PCNX4: variants seen among roughly 807,000 people sequenced by gnomAD.
The protein encoded by PCNX4 is pecanex-like protein 4.
A neutral mutation model predicts 107.2 loss-of-function variants in PCNX4; 103 were observed. The ratio of observed to expected loss-of-function variants is 0.96; its 90% confidence interval spans 0.82 to 1.13. The LOEUF (loss-of-function observed/expected upper bound fraction) is 1.13. Among genes scored for constraint, PCNX4 ranks in the 50% most tolerant of loss-of-function variants. PCNX4 has a pLI of 0.00. For synonymous variants in PCNX4, 541 were observed against 481.7 expected, an observed-to-expected ratio of 1.12 and a Z score of -1.61; for missense variants, 1,528 against 1,379.4, an observed-to-expected ratio of 1.11 and a Z score of -1.71.
chr14:60,108,296 T>G lies in PCNX4; in HGVS notation c.658T>G (p.Phe220Val), dbSNP rs371046362. The G allele has an allele frequency of 5.6e-6, 9 of 1,608,302 alleles. No homozygotes were observed. Among genetic ancestry groups the G allele is most frequent in the Non-Finnish European group, 7.6e-6 (9 of 1,178,620 alleles). ...IIPLMRPLYI[F>V]FFVSVDLAHR... ...TCCTCTTATGAGACCTCTTTATATT[T>G]TTTTCTTTGTTTCTGTGGATCTGGC... is the stretch of plus-strand genomic sequence containing the variant. The change falls in exon 2 of 11, where the codon TTT (phenylalanine) becomes GTT (valine). Residue 220 changes from phenylalanine to valine, a missense_variant. By Grantham distance (50) the Phe-to-Val change is conservative. Transcript: ENST00000406854.
At chr14:60,098,541 C>G (rs1049681421) in intron 1 of PCNX4, among the ~76,000 whole-genome samples, 1 of 152,316 alleles carries the variant, frequency 6.6e-6, no homozygotes, top group Non-Finnish European at 1.5e-5. Flanking sequence ...CCTTTTCAGT[C>G]TTTCTTTTCT....
intron 1 of PCNX4, among the ~76,000 whole-genome samples, chr14:60,095,968 C>T (rs1021173413): frequency 2.0e-5 from 3 of 152,176 alleles, no homozygotes; most frequent in African/African-American, 7.2e-5. Flanking sequence ...ATTACCCTAG[C>T]CCTTTCAGTT....
At chr14:60,098,216 C>T (rs1035897697) in intron 1 of PCNX4, among the ~76,000 whole-genome samples, 16 of 152,156 alleles carry the variant, frequency 1.1e-4, no homozygotes, top group African/African-American at 3.1e-4. Context: ...AACCTCCCTT[C>T]TGACCAGAGA....
chr14:60,097,097 T>A (rs1895439785), intron 1 of PCNX4, among the ~76,000 whole-genome samples: 1 of 152,210 alleles, frequency 6.6e-6, no homozygotes, highest in Admixed American at 6.5e-5. Flanking sequence ...TAAGTTGTGC[T>A]TCCTTAAAGT....
intron 1 of PCNX4, among the ~76,000 whole-genome samples, chr14:60,097,648 T>TA (rs371351045): frequency 0.021 from 3,185 of 152,304 alleles, 59 homozygotes; most frequent in South Asian, 0.049. Flanking sequence ...CTGAAAAACT[T>TA]AAAGGTCTAA....
In PCNX4 at chr14:60,118,329, G is replaced by A; in HGVS notation, c.1579G>A (p.Val527Ile). The A allele has an allele frequency of 6.3e-7, 1 of 1,599,132 alleles. No individual in the cohort carries two copies. The highest frequency in any genetic ancestry group is 8.5e-7 in the Non-Finnish European group (1 of 1,171,222). Residue 527 changes from valine (V) to isoleucine (I), a missense_variant and splice_region_variant, in exon 7 of 11, where the codon GTT (valine) becomes ATT (isoleucine). By Grantham distance (29) the Val-to-Ile change is conservative (BLOSUM62 3). Coordinates refer to ENST00000406854, the MANE Select transcript of PCNX4 (RefSeq NM_001330177.2). ...AAAAATAATTTTTACATTTCTACAG[G>A]TTGGTATCATACGTGATCGTTTGAT... ...SLDTGLRLLL[V>I]GIIRDRLIQF...
rs182816583 is a variant in PCNX4 at position 60,114,179 on chromosome 14, G to A, written c.690-521G>A. The stretch of plus-strand genomic sequence containing the variant: ...TGGGAGCGGGACAGTACAAGACAAA[G>A]AGGAAGAGAAGAGCTTTCCCTCTTT... On this transcript the variant is annotated intron_variant, in intron 2 of 10. Coordinates refer to ENST00000406854, the MANE Select transcript of PCNX4 (RefSeq NM_001330177.2). Among the ~76,000 whole-genome samples the A allele has an allele frequency of 1.4e-3, 214 of 152,324 alleles. 1 individual carries two copies. Among genetic ancestry groups the A allele is most frequent in the Middle Eastern group, 3.4e-3 (1 of 294 alleles).
At chr14:60,100,458 T>C (rs936491586) in intron 1 of PCNX4, among the ~76,000 whole-genome samples, 5 of 152,094 alleles carry the variant, frequency 3.3e-5, no homozygotes, top group Admixed American at 1.3e-4. Context: ...ACCACCATGC[T>C]TGGCTAACTT....
Position 60,133,952 on chromosome 14 carries a change from A to T in PCNX4, c.3268-18A>T. On this transcript the variant is annotated intron_variant, in intron 10 of 10. Coordinates refer to ENST00000406854, the MANE Select transcript of PCNX4 (RefSeq NM_001330177.2). ...TCTCTTTTCTTTTTCTCCTCCTCCTACCCTTTTTACTTTAAAGGGAATTTA... is the reference window on the plus strand; with the variant it reads ...TCTCTTTTCTTTTTCTCCTCCTCCTTCCCTTTTTACTTTAAAGGGAATTTA... 1 of 1,600,834 alleles carries T rather than the reference A, an allele frequency of 6.2e-7. No individual in the cohort carries two copies. The highest frequency in any genetic ancestry group is 1.3e-5 in the African/African-American group (1 of 74,730).
rs763258751 is a variant in PCNX4 at position 60,107,609 on chromosome 14, A to G, written c.-30A>G. ...AGAAACTGCTGTGTTACAGAAAAGC[A>G]TGTGACTTTCAGAATAATCCCGAGT... is the stretch of plus-strand genomic sequence containing the variant. On this transcript the variant is annotated 5_prime_UTR_variant, in exon 2 of 11. It removes an upstream start codon present in the reference 5' UTR. Transcript: ENST00000406854. The G allele has an allele frequency of 3.2e-6, 5 of 1,543,926 alleles. No homozygotes were observed. Among genetic ancestry groups the G allele is most frequent in the Non-Finnish European group, 2.6e-6 (3 of 1,138,562 alleles).
Position 60,134,303 on chromosome 14 carries a change from G to A in PCNX4, c.*82G>A, listed in dbSNP as rs1231379590. On this transcript the variant is annotated 3_prime_UTR_variant, in exon 11 of 11. Transcript: ENST00000406854. ...AAAGTAACTGTGATTCTTGTAACTT[G>A]AGGACTTCTCCACACCCCCATTCAG... The A allele has an allele frequency of 2.6e-6, 4 of 1,515,752 alleles. No individual in the cohort carries two copies. The highest frequency in any genetic ancestry group is 1.8e-5 in the Admixed American group (1 of 56,690). The allele number at this position is 1,515,752 out of a possible 1,614,324, so 93.9% of individuals were successfully genotyped here. A position where few individuals can be genotyped will look rare whatever the true frequency, so the allele number is the denominator to read the frequency against.
At chr14:60,120,463 C>T (rs1271290893) in intron 7 of PCNX4, among the ~76,000 whole-genome samples, 3 of 150,606 alleles carry the variant, frequency 2.0e-5, no homozygotes, top group African/African-American at 7.5e-5. Context: ...AGGCAAGGAC[C>T]AACCATATAA....
intron 1 of PCNX4, among the ~76,000 whole-genome samples, chr14:60,093,589 T>A (rs1724866773): frequency 6.6e-6 from 1 of 152,250 alleles, no homozygotes; most frequent in Non-Finnish European, 1.5e-5. Flanking sequence ...ATCCATTCAT[T>A]GATGGACATT....
chr14:60,104,760 G>A (rs1283136477), intron 1 of PCNX4, among the ~76,000 whole-genome samples: 1 of 152,096 alleles, frequency 6.6e-6, no homozygotes, highest in East Asian at 1.9e-4. Flanking sequence ...CAGTATGGGG[G>A]AAACCACCCC....
rs552485064 is a variant in PCNX4 at position 60,133,793 on chromosome 14, T to C, written c.3268-177T>C. 1.0e-5 allele frequency: 7 copies of C among 685,862 alleles called. No individual in the cohort carries two copies. In the South Asian group the frequency reaches 1.1e-4, roughly 10 times the overall value. 42.5% of individuals were successfully genotyped at this position (685,862 alleles called of 1,614,324 possible). A position where few individuals can be genotyped will look rare whatever the true frequency, so the allele number is the denominator to read the frequency against. Reference sequence around the variant, plus strand: ...AGAACCAAGGAAGTAGAGGTAATTCTTGATTCTGAATACAGGCAACTTGTG... The same window carrying C: ...AGAACCAAGGAAGTAGAGGTAATTCCTGATTCTGAATACAGGCAACTTGTG... On this transcript the variant is annotated intron_variant, in intron 10 of 10. Coordinates refer to ENST00000406854, the MANE Select transcript of PCNX4 (RefSeq NM_001330177.2).
intron 8 of PCNX4, among the ~76,000 whole-genome samples, chr14:60,123,543 G>A (rs796429973): frequency 2.6e-5 from 4 of 152,136 alleles, no homozygotes; most frequent in African/African-American, 9.6e-5. Context: ...ATAGTAAATA[G>A]TGACCTGATA....
intron 1 of PCNX4, among the ~76,000 whole-genome samples, chr14:60,099,925 G>T (rs1273311625): frequency 6.6e-6 from 1 of 151,866 alleles, no homozygotes; most frequent in Non-Finnish European, 1.5e-5. Flanking sequence ...ATTAGTCAGG[G>T]GTGGTGGCTC....
chr14:60,132,471 C>A (rs1469953041), intron 10 of PCNX4, among the ~76,000 whole-genome samples: 1 of 151,922 alleles, frequency 6.6e-6, no homozygotes, highest in Non-Finnish European at 1.5e-5. Flanking sequence ...CTCAAAAATA[C>A]ATCAAAGACC....
At chr14:60,104,072 G>A (rs2140534460) in intron 1 of PCNX4, among the ~76,000 whole-genome samples, 1 of 152,250 alleles carries the variant, frequency 6.6e-6, no homozygotes, top group Middle Eastern at 3.4e-3. Context: ...TGTAATTCCA[G>A]CATTTTGAGA....
Sources: allele counts gnomAD v4.1 joint callset (sites outside exome capture counted in the v4.1 genomes callset), GRCh38; gene constraint gnomAD v4.1.1; transcripts MANE v1.5; gene names NCBI Gene and HGNC (gene_info 2026-07-23, HGNC 2026-07-21).